Variants in RGS6 observed in about 807,000 individuals in gnomAD.
RGS6 encodes the protein regulator of G protein signaling 6.
In RGS6, 30 loss-of-function variants were observed where a neutral mutation model predicts 78.5. That is an observed-to-expected ratio of 0.38 (90% CI 0.29 to 0.52). RGS6 has a LOEUF of 0.52. Ranked by LOEUF, RGS6 falls within the 20% of genes least tolerant of loss-of-function variation. The pLI, the probability that RGS6 is intolerant of heterozygous loss-of-function variation, is 0.85. For synonymous variants in RGS6, 206 were observed against 206.0 expected (o/e 1.00, Z 0.00); for missense variants, 495 against 609.7 (o/e 0.81, Z 1.98).
chr14:72,187,699 C>T (rs1425564262), intron 2 of RGS6, among the ~76,000 whole-genome samples: 1 of 152,174 alleles, frequency 6.6e-6, no homozygotes, highest in Non-Finnish European at 1.5e-5. Flanking sequence ...CCCTCCCTTC[C>T]CTCAGCCCCC....
intron 6 of RGS6, among the ~76,000 whole-genome samples, chr14:72,464,974 A>T (rs1169979000): frequency 6.6e-6 from 1 of 152,156 alleles, no homozygotes; most frequent in Non-Finnish European, 1.5e-5. Context: ...AGTGCAATGG[A>T]ATTTAGTTCC....
At chr14:72,460,527 C>G (rs2095751040) in intron 6 of RGS6, among the ~76,000 whole-genome samples, 1 of 152,208 alleles carries the variant, frequency 6.6e-6, no homozygotes, top group Admixed American at 6.5e-5. Flanking sequence ...AGGTGACCAA[C>G]AGACACTCAC....
chr14:72,107,518 G>A (rs1415121846), intron 2 of RGS6, among the ~76,000 whole-genome samples: 3 of 152,118 alleles, frequency 2.0e-5, no homozygotes, highest in Non-Finnish European at 4.4e-5. Context: ...GGAAAAAAAT[G>A]TCAAAACCAC....
chr14:72,341,681 T>C (rs2077030209), intron 2 of RGS6, among the ~76,000 whole-genome samples: 1 of 152,184 alleles, frequency 6.6e-6, no homozygotes, highest in Non-Finnish European at 1.5e-5. Context: ...TGGAGGACCT[T>C]GAATTCCATA....
At chr14:72,458,409 C>A in intron 5 of RGS6, 32 bp downstream of exon 5, 2 of 1,460,740 alleles carry the variant, frequency 1.4e-6, no homozygotes, top group South Asian at 1.1e-5. Flanking sequence ...CCTGAAGAAC[C>A]TTTTCTTCAC....
chr14:72,477,660 G>A lies in RGS6; in HGVS notation c.793-608G>A, dbSNP rs1043341311. ...AAATAGAAAAAAGTTAGCCGGGCTT[G>A]GTGGCGTGTGACTATAATCCCAGCT... On this transcript the variant is annotated intron_variant, in intron 11 of 17. Transcript: ENST00000553525. Among the ~76,000 whole-genome samples the A allele has an allele frequency of 7.9e-5, 12 of 151,960 alleles. No individual in the cohort carries two copies. The East Asian group carries it at 2.1e-3, about 27-fold the overall frequency.
chr14:71,901,614 C>T, the RGS6 span, among the ~76,000 whole-genome samples: 1 of 152,046 alleles, frequency 6.6e-6, no homozygotes, highest in Non-Finnish European at 1.5e-5. Flanking sequence ...ATGAATGGCT[C>T]CCCGTTGACA....
At chr14:72,359,529 G>A (rs1340767045) in intron 3 of RGS6, among the ~76,000 whole-genome samples, 1 of 152,070 alleles carries the variant, frequency 6.6e-6, no homozygotes, top group African/African-American at 2.4e-5. Flanking sequence ...GTCTGTGCTG[G>A]GTTCATAAGC....
intron 2 of RGS6, among the ~76,000 whole-genome samples, chr14:72,182,897 T>G (rs2097192837): frequency 6.6e-6 from 1 of 152,216 alleles, no homozygotes; most frequent in African/African-American, 2.4e-5. Flanking sequence ...GTTGATGATT[T>G]TTTTTCATAC....
At chr14:72,267,288 A>T (rs1407762423) in intron 2 of RGS6, among the ~76,000 whole-genome samples, 2 of 152,210 alleles carry the variant, frequency 1.3e-5, no homozygotes, top group South Asian at 2.1e-4. Context: ...AATAGATTTT[A>T]AAAAGAATAA....
In RGS6 at chr14:72,432,429, T is replaced by C. The variant is rs192887180; in HGVS notation, c.185-22099T>C. On this transcript the variant is annotated intron_variant, in intron 3 of 17. Transcript: ENST00000553525. ...GTCTCACCTTCCAGGAGTAAAGACG[T>C]GTCCCAAGTAATGGGTAGCTCCATG... Among the ~76,000 whole-genome samples, 623 of 152,330 alleles carry C rather than the reference T, an allele frequency of 4.1e-3. 3 individuals are homozygous for C. The highest frequency in any genetic ancestry group is 0.014 in the African/African-American group (590 of 41,570).
At chr14:71,896,518 CA>C in the RGS6 span, among the ~76,000 whole-genome samples, 1 of 152,190 alleles carries the variant, frequency 6.6e-6, no homozygotes. Context: ...GTTTTATCAG[CA>C]AGGTCTTTAT....
intron 2 of RGS6, among the ~76,000 whole-genome samples, chr14:72,190,408 G>T (rs79827172): frequency 0.062 from 9,458 of 152,318 alleles, 372 homozygotes; most frequent in Non-Finnish European, 0.09. Flanking sequence ...ATGTGTGTGT[G>T]TGTGTTGTTG....
At chr14:72,342,252 G>A (rs1038114098) in intron 2 of RGS6, among the ~76,000 whole-genome samples, 7 of 152,016 alleles carry the variant, frequency 4.6e-5, no homozygotes, top group African/African-American at 1.7e-4. Context: ...TACTTAAATA[G>A]GCTACTGTGA....
At chr14:71,936,028 A>ATATATATATACATATATATATATATATG (rs2089180203) in intron 1 of RGS6, among the ~76,000 whole-genome samples, 1 of 139,762 alleles carries the variant, frequency 7.2e-6, no homozygotes, top group Non-Finnish European at 1.6e-5. Context: ...ATATATATAT[A>ATATATATATACATATATATATATATATG]TATATATATA....
At chr14:72,141,968 A>G (rs944386258) in intron 2 of RGS6, among the ~76,000 whole-genome samples, 7 of 151,792 alleles carry the variant, frequency 4.6e-5, no homozygotes, top group Admixed American at 2.6e-4. Context: ...CATTAAATAC[A>G]TATTGAAGTA....
rs530662002 is a variant in RGS6 at position 72,015,125 on chromosome 14, T to TGCCAGCA, written c.84+50251_84+50257dup. ...TCTTCAGGCTGTACAGGAAGCATGGTGCCAGCATCTGCTTCTGCTGAGGGC... is the reference window on the plus strand; with the variant it reads ...TCTTCAGGCTGTACAGGAAGCATGGTGCCAGCAGCCAGCATCTGCTTCTGCTGAGGGC... On this transcript the variant is annotated intron_variant, in intron 2 of 17. Coordinates refer to ENST00000553525, the MANE Select transcript of RGS6 (RefSeq NM_001204424.2). Among the ~76,000 whole-genome samples the TGCCAGCA allele has an allele frequency of 2.2e-4, 34 of 152,292 alleles. No homozygotes were observed. In the South Asian group the frequency reaches 3.7e-3, roughly 17 times the overall value.
intron 2 of RGS6, among the ~76,000 whole-genome samples, chr14:72,100,261 T>C (rs1478249557): frequency 2.0e-5 from 3 of 152,126 alleles, no homozygotes; most frequent in Non-Finnish European, 2.9e-5. Flanking sequence ...TCCCAGCACA[T>C]TGGGAGGCTT....
intron 3 of RGS6, among the ~76,000 whole-genome samples, chr14:72,361,597 A>G (rs1263529626): frequency 6.6e-6 from 1 of 152,192 alleles, no homozygotes; most frequent in African/African-American, 2.4e-5. Flanking sequence ...TTGAAATGGG[A>G]TAAAGTGTAA....
Sources: gnomAD v4.1 joint callset for allele counts (sites outside exome capture counted in the v4.1 genomes callset) on GRCh38, gnomAD v4.1.1 for gene constraint, MANE v1.5 for transcripts, NCBI Gene and HGNC (gene_info 2026-07-23, HGNC 2026-07-21) for gene names.